The following NELL2 variants were observed in gnomAD, a reference collection of about 807,000 sequenced individuals.
NELL2 encodes the protein protein kinase C-binding protein NELL2.
In NELL2, 41 loss-of-function variants were observed where a neutral mutation model predicts 109.6. The ratio of observed to expected loss-of-function variants is 0.37; its 90% CI spans 0.29 to 0.49. The LOEUF (loss-of-function observed/expected upper bound fraction) is 0.49, where lower values mean the gene tolerates loss of function less well. Ranked by LOEUF, NELL2 falls within the 20% of genes least tolerant of loss-of-function variation. The pLI, the probability that NELL2 is intolerant of heterozygous loss-of-function variation, is 0.98. For synonymous variants in NELL2, 355 were observed against 344.7 expected (o/e 1.03, Z -0.33); for missense variants, 900 against 1,008.3 (o/e 0.89, Z 1.45).
intron 9 of NELL2, among the ~76,000 whole-genome samples, chr12:44,731,606 A>G (rs1013627400): frequency 3.3e-5 from 5 of 152,126 alleles, no homozygotes; most frequent in Admixed American, 3.3e-4. Context: ...TCAACATAAT[A>G]AAAGTCATAC....
intron 2 of NELL2, among the ~76,000 whole-genome samples, chr12:44,841,621 G>A (rs1477538151): frequency 6.6e-6 from 1 of 152,124 alleles, no homozygotes; most frequent in Non-Finnish European, 1.5e-5. Flanking sequence ...TAGGAATCTT[G>A]CATAGGGTTC....
chr12:44,641,773 T>C (rs1399757819), intron 13 of NELL2, among the ~76,000 whole-genome samples: 2 of 143,624 alleles, frequency 1.4e-5, no homozygotes, highest in East Asian at 2.2e-4. Context: ...CTCGGCTCAC[T>C]GCAACCTCTG....
At chr12:44,562,776 A>G (rs967816158) in intron 15 of NELL2, among the ~76,000 whole-genome samples, 1 of 152,248 alleles carries the variant, frequency 6.6e-6, no homozygotes, top group African/African-American at 2.4e-5. Context: ...TGAAGGATCT[A>G]GAACCAGAAA....
At chr12:44,650,688 T>A (rs1305325206) in intron 13 of NELL2, among the ~76,000 whole-genome samples, 1 of 152,020 alleles carries the variant, frequency 6.6e-6, no homozygotes, top group Non-Finnish European at 1.5e-5. Context: ...AATAAAGATA[T>A]AAGGGTGGGG....
chr12:44,566,219 G>A (rs1158532477), intron 15 of NELL2, among the ~76,000 whole-genome samples: 1 of 152,162 alleles, frequency 6.6e-6, no homozygotes, highest in African/African-American at 2.4e-5. Flanking sequence ...ATCAGGAGAT[G>A]TAAAAGATAT....
intron 12 of NELL2, among the ~76,000 whole-genome samples, chr12:44,695,418 C>T (rs1949034050): frequency 6.6e-6 from 1 of 152,030 alleles, no homozygotes; most frequent in Admixed American, 6.6e-5. Flanking sequence ...AATAATTAGT[C>T]TGGGCATACT....
chr12:44,570,430 C>T (rs540422341), intron 15 of NELL2, among the ~76,000 whole-genome samples: 3 of 152,212 alleles, frequency 2.0e-5, no homozygotes, highest in South Asian at 2.1e-4. Context: ...TCTCCTATTA[C>T]GTGGCCAGTT....
intron 1 of NELL2, among the ~76,000 whole-genome samples, chr12:44,897,155 T>C (rs1945602275): frequency 6.6e-6 from 1 of 152,162 alleles, no homozygotes. Context: ...AATCATCTAC[T>C]GAGGTTAGTA....
At chr12:44,567,376 T>C (rs533294890) in intron 15 of NELL2, among the ~76,000 whole-genome samples, 1 of 152,298 alleles carries the variant, frequency 6.6e-6, no homozygotes, top group African/African-American at 2.4e-5. Flanking sequence ...ATACATATAC[T>C]TAACCTAGTT....
intron 2 of NELL2, among the ~76,000 whole-genome samples, chr12:44,848,704 G>C (rs1482167062): frequency 6.6e-6 from 1 of 152,122 alleles, no homozygotes; most frequent in Admixed American, 6.6e-5. Flanking sequence ...GGCTATTTGA[G>C]AAACTGGGCT....
At chr12:44,510,868 G>A (rs1328400789) in intron 19 of NELL2, among the ~76,000 whole-genome samples, 1 of 152,170 alleles carries the variant, frequency 6.6e-6, no homozygotes, top group Non-Finnish European at 1.5e-5. Context: ...TGAGGTGCCG[G>A]CTCAGAGGCA....
chr12:44,772,992 T>C (rs1941607153), intron 9 of NELL2, among the ~76,000 whole-genome samples: 1 of 152,228 alleles, frequency 6.6e-6, no homozygotes, highest in Non-Finnish European at 1.5e-5. Flanking sequence ...TAGTCCGATT[T>C]AGTCTGCAGT....
intron 16 of NELL2, among the ~76,000 whole-genome samples, chr12:44,530,605 C>T (rs1223359884): frequency 6.6e-6 from 1 of 152,160 alleles, no homozygotes. Flanking sequence ...AATGTCACAT[C>T]TGACATGAGG....
At chr12:44,883,206 G>A (rs1350856505) in intron 1 of NELL2, among the ~76,000 whole-genome samples, 3 of 151,822 alleles carry the variant, frequency 2.0e-5, no homozygotes, top group Non-Finnish European at 4.4e-5. Context: ...GACTCACCAA[G>A]CTAGAATCAA....
At chr12:44,906,834 G>A (rs1234624964) in intron 1 of NELL2, among the ~76,000 whole-genome samples, 1 of 152,034 alleles carries the variant, frequency 6.6e-6, no homozygotes, top group Admixed American at 6.6e-5. Flanking sequence ...TTAAAGGAAA[G>A]AAACACATAA....
chr12:44,632,251 C>T (rs1393723480), intron 13 of NELL2, among the ~76,000 whole-genome samples: 1 of 152,058 alleles, frequency 6.6e-6, no homozygotes, highest in African/African-American at 2.4e-5. Context: ...TTTCCGTTGA[C>T]ATCAGATACA....
chr12:44,735,958 G>A (rs1162682952), intron 9 of NELL2, among the ~76,000 whole-genome samples: 2 of 143,070 alleles, frequency 1.4e-5, no homozygotes, highest in Non-Finnish European at 3.0e-5. Context: ...AGGTTAATAA[G>A]TAATAAAAAT....
At chr12:44,855,760 C>G (rs958912465) in intron 2 of NELL2, among the ~76,000 whole-genome samples, 4 of 152,164 alleles carry the variant, frequency 2.6e-5, no homozygotes. Flanking sequence ...CATCAAGAAG[C>G]ATTCAGGATG....
At chr12:44,650,864 A>G (rs1947276482) in intron 13 of NELL2, among the ~76,000 whole-genome samples, 3 of 152,182 alleles carry the variant, frequency 2.0e-5, no homozygotes, top group Non-Finnish European at 4.4e-5. Flanking sequence ...CTCACGAGAA[A>G]TTAAATTGCC....
Sources: gnomAD v4.1 joint callset for allele counts (sites outside exome capture counted in the v4.1 genomes callset) on GRCh38, gnomAD v4.1.1 for gene constraint, MANE v1.5 for transcripts, NCBI Gene and HGNC (gene_info 2026-07-23, HGNC 2026-07-21) for gene names.